The following LRP4 variants were observed in gnomAD, a reference collection of about 807,000 sequenced individuals.
LRP4 encodes LDL receptor related protein 4.
LRP4 carries 95 observed loss-of-function variants against 220.3 expected under a neutral mutation model. The ratio of observed to expected loss-of-function variants is 0.43; its 90% CI spans 0.37 to 0.51. The LOEUF (loss-of-function observed/expected upper bound fraction) is 0.51. LRP4 is among the 20% of genes least tolerant of loss of function. The pLI is 0.00. For missense variants in LRP4, 1,925 were observed against 2,567.0 expected (o/e 0.75, Z 5.40); for synonymous variants, 903 against 954.6 (o/e 0.95, Z 1.00).
Position 46,859,298 on chromosome 11 carries a change from G to A in LRP4, c.5403C>T (p.Asn1801=). The part of the protein sequence containing the change: ...CYKKEGGPDH[N]YTKEKIKIVE... ...CGATCTTGATCTTCTCCTTGGTGTA[G>A]TTATGGTCAGGCCCTCCCTAGGGTG... The change falls in exon 38 of 38, where the codon AAC becomes AAT. Residue 1801 remains asparagine, a synonymous_variant. Coordinates refer to ENST00000378623, the MANE Select transcript of LRP4 (RefSeq NM_002334.4). 6.2e-7 allele frequency: 1 copy of A among 1,614,044 alleles called. No homozygotes were observed.
chr11:46,911,579 A>T (rs1358532325), intron 1 of LRP4, among the ~76,000 whole-genome samples: 1 of 131,810 alleles, frequency 7.6e-6, no homozygotes, highest in Non-Finnish European at 1.6e-5. Context: ...ATAGAGTGAG[A>T]ACCTGTCTCA....
intron 16 of LRP4, among the ~76,000 whole-genome samples, chr11:46,887,358 C>A (rs1941318298): frequency 6.6e-6 from 1 of 152,150 alleles, no homozygotes; most frequent in Non-Finnish European, 1.5e-5. Context: ...GGCTTTACTT[C>A]TTGCATCTCA....
intron 7 of LRP4, among the ~76,000 whole-genome samples, chr11:46,898,111 C>A (rs1468336424): frequency 1.4e-5 from 2 of 140,880 alleles, no homozygotes; most frequent in East Asian, 2.3e-4. Flanking sequence ...CTGACCCCCC[C>A]ACCTCCCTCC....
chr11:46,864,566 G>T, intron 35 of LRP4, 31 bp from the exon 36 acceptor site: 1 of 1,450,560 alleles, frequency 6.9e-7, no homozygotes, highest in South Asian at 1.1e-5. Flanking sequence ...CTAGGCAGGG[G>T]CCACCGACAA....
chr11:46,896,570 A>G (rs187269021), intron 8 of LRP4, among the ~76,000 whole-genome samples: 1 of 152,354 alleles, frequency 6.6e-6, no homozygotes, highest in East Asian at 1.9e-4. Flanking sequence ...GTGCAACCAC[A>G]TGCTCAATAC....
chr11:46,912,001 T>A (rs1941867510), intron 1 of LRP4, among the ~76,000 whole-genome samples: 1 of 152,176 alleles, frequency 6.6e-6, no homozygotes, highest in Non-Finnish European at 1.5e-5. Flanking sequence ...ACTATAGGCA[T>A]GTGCCACCAC....
At chr11:46,896,735 G>A (rs1184973125) in intron 8 of LRP4, 134 bp downstream of exon 8, 20 of 1,307,832 alleles carry the variant, frequency 1.5e-5, no homozygotes, top group East Asian at 1.2e-4. Context: ...CCATAAGGCC[G>A]CAGGTCAATG....
At position 46,899,421 on chromosome 11, in the gene LRP4, G is replaced by A. The variant is rs373919273; in HGVS notation, c.513C>T (p.Thr171=). 11 of 1,613,932 alleles carry A rather than the reference G, an allele frequency of 6.8e-6. No individual in the cohort carries two copies. The highest frequency in any genetic ancestry group is 3.3e-5 in the South Asian group (3 of 91,084). Residue 171 remains threonine, a synonymous_variant, in exon 5 of 38, where the codon ACC becomes ACT. Transcript: ENST00000378623. This position sits in a 1 kb window ranked among gnomAD's most constrained non-coding sequence, Gnocchi z 5.9. ...IAEHWYCDGD[T]DCKDGSDEEN... is the part of the protein sequence containing the mutation. ...CCTCATCGGAGCCATCTTTGCAGTC[G>A]GTGTCACCGTCGCAGTACCAATGCT...
Position 46,865,101 on chromosome 11 carries a change from G to C in LRP4, c.5155+18C>G. 6.4e-7 allele frequency: 1 copy of C among 1,555,402 alleles called. No individual in the cohort carries two copies. Among genetic ancestry groups the C allele is most frequent in the South Asian group, 1.2e-5 (1 of 84,322 alleles). The stretch of plus-strand genomic sequence containing the variant: ...ATTACATCTTCTTTTCCGGAACAGT[G>C]GGGTACTCAGGGCTTACCTGGAGCA... On this transcript the variant is annotated intron_variant, in intron 35 of 37. Transcript: ENST00000378623.
intron 21 of LRP4, 33 bp downstream of exon 21, chr11:46,879,093 C>T (rs766759895): frequency 1.5e-5 from 24 of 1,614,102 alleles, no homozygotes; most frequent in Admixed American, 1.2e-4. Context: ...AGGAGGGCCA[C>T]GGAGAAGCCA....
intron 37 of LRP4, 28 bp downstream of exon 37, chr11:46,862,578 A>G (rs1344431116): frequency 6.2e-7 from 1 of 1,613,630 alleles, no homozygotes; most frequent in Admixed American, 1.7e-5. Context: ...CGCCAAAAAG[A>G]CCCTTGAATA....
chr11:46,917,043 G>T (rs868129514), intron 1 of LRP4, among the ~76,000 whole-genome samples: 3 of 152,214 alleles, frequency 2.0e-5, no homozygotes, highest in Non-Finnish European at 4.4e-5. Context: ...GCGGAAAAAA[G>T]CCCCTGAAAA....
At chr11:46,861,509 T>A (rs2134756349) in intron 37 of LRP4, among the ~76,000 whole-genome samples, 1 of 141,098 alleles carries the variant, frequency 7.1e-6, no homozygotes, top group East Asian at 2.2e-4. Flanking sequence ...GTTAGTTTCC[T>A]TGTGGAAATG....
chr11:46,902,384 A>C (rs1445511472), intron 2 of LRP4, among the ~76,000 whole-genome samples: 2 of 148,516 alleles, frequency 1.3e-5, no homozygotes, highest in Admixed American at 6.7e-5. Flanking sequence ...AAAAGGTTTT[A>C]TTGTACAAAA....
rs1439100368 is a variant in LRP4, at chr11:46,864,918, T to C, written c.5155+201A>G. On this transcript the variant is annotated intron_variant, in intron 35 of 37. Transcript: ENST00000378623. ...CATATAATGTGGCATATATATGGCT[T>C]ATCACATGCCTGGCATACGGAAAGC... Among the ~76,000 whole-genome samples, 3 of 152,230 alleles carry C rather than the reference T, an allele frequency of 2.0e-5. No individual in the cohort carries two copies. In the East Asian group the frequency reaches 5.8e-4, roughly 29 times the overall value.
At chr11:46,892,758 T>G (rs1941448238) in intron 13 of LRP4, among the ~76,000 whole-genome samples, 1 of 152,106 alleles carries the variant, frequency 6.6e-6, no homozygotes, top group South Asian at 2.1e-4. Flanking sequence ...TTTGCAGAGA[T>G]GGGGTTTCCC....
chr11:46,876,813 C>G lies in LRP4; in HGVS notation c.3295G>C (p.Asp1099His). 1 of 1,613,916 alleles carries G rather than the reference C, an allele frequency of 6.2e-7. No individual in the cohort carries two copies. Among genetic ancestry groups the G allele is most frequent in the Non-Finnish European group, 8.5e-7 (1 of 1,179,920 alleles). ...CGACTGATCCTGTGCAGTGTGCTGT[C>G]AGACCAGTACACCTTTCCTGGAGAG... Reference protein sequence around the residue: ...DPQEGKVYWSDSTLHRISRAN... With the variant: ...DPQEGKVYWSHSTLHRISRAN... Residue 1099 changes from aspartate (D) to histidine (H), a missense_variant, in exon 24 of 38, where the codon GAC becomes CAC. By Grantham distance (81) the Asp-to-His change is moderately conservative. Around this residue, in one of 3 missense-constraint regions of LRP4, gnomAD observed 1,244 missense variants for 1,624.9 expected, o/e 0.77. Transcript: ENST00000378623.
In LRP4 at chr11:46,893,025, G is replaced by A. The variant is rs1157546763; in HGVS notation, c.1645C>T (p.Leu549=). The part of the protein sequence containing the change: ...NLDGAHRKVL[L]WQNLEKPRAI... ...CGGGGCTTCTCCAGGTTCTGCCACAGCAACACTTTCCGGTGGGCCCCATCC... is the reference window on the plus strand; with the variant it reads ...CGGGGCTTCTCCAGGTTCTGCCACAACAACACTTTCCGGTGGGCCCCATCC... Residue 549 remains leucine, a synonymous_variant, in exon 13 of 38, where the codon CTG becomes TTG. Transcript: ENST00000378623. 6.2e-7 allele frequency: 1 copy of A among 1,614,102 alleles called. No homozygotes were observed. The highest frequency in any genetic ancestry group is 8.5e-7 in the Non-Finnish European group (1 of 1,179,990).
chr11:46,877,277 G>C lies in LRP4; in HGVS notation c.3199C>G (p.Pro1067Ala). The change falls in exon 23 of 38, where the codon CCT (proline) becomes GCT (alanine). Residue 1067 changes from proline (P) to alanine (A), a missense_variant. Coordinates refer to ENST00000378623, the MANE Select transcript of LRP4 (RefSeq NM_002334.4). ...IDIRMVSLDIPYFADVVVPIN... is the reference protein window; with the variant it reads ...IDIRMVSLDIAYFADVVVPIN... Reference sequence around the variant, plus strand: ...GGTACCACCACATCAGCAAAATAAGGGATGTCCAGGGAGACCATGCGAATG... The same window carrying C: ...GGTACCACCACATCAGCAAAATAAGCGATGTCCAGGGAGACCATGCGAATG... The C allele has an allele frequency of 1.9e-6, 3 of 1,613,974 alleles. No individual in the cohort carries two copies. Among genetic ancestry groups the C allele is most frequent in the Non-Finnish European group, 2.5e-6 (3 of 1,179,926 alleles).
Sources: gnomAD v4.1 joint callset for allele counts (sites outside exome capture counted in the v4.1 genomes callset) on GRCh38, gnomAD v4.1.1 for gene constraint, gnomAD v4.1.1 regional missense constraint, Gnocchi (gnomAD v3.1) non-coding constraint, MANE v1.5 for transcripts, NCBI Gene and HGNC (gene_info 2026-07-23, HGNC 2026-07-21) for gene names.